ACSM3: variants seen among roughly 807,000 people sequenced by gnomAD.
ACSM3 encodes the protein acyl-CoA synthetase medium chain family member 3.
In ACSM3, 61 loss-of-function variants were observed where a neutral mutation model predicts 74.1. The observed-to-expected ratio is 0.82, with a 90% CI of 0.67 to 1.02. The LOEUF is 1.02. Among genes scored for constraint, ACSM3 ranks in the 50% least tolerant of loss-of-function variants. The pLI is 0.00. For synonymous variants in ACSM3, 213 were observed against 241.5 expected (o/e 0.88, Z 1.09); for missense variants, 660 against 697.0 (o/e 0.95, Z 0.60).
intron 1 of ACSM3, chr16:20,681,719 G>T (rs1488023221): frequency 6.5e-6 from 1 of 153,766 alleles, no homozygotes; most frequent in East Asian, 1.9e-4. Context: ...ACAAAGGGGG[G>T]AAATGGAACA....
upstream of ACSM3, among the ~76,000 whole-genome samples, chr16:20,762,008 G>T (rs2080081119): frequency 6.6e-6 from 1 of 152,202 alleles, no homozygotes; most frequent in Non-Finnish European, 1.5e-5. Context: ...AACCTCGGAA[G>T]CATGCCAATG....
chr16:20,727,501 T>C (rs1333410871), intron 1 of ACSM3: 4 of 351,454 alleles, frequency 1.1e-5, no homozygotes, highest in Non-Finnish European at 2.3e-5. Context: ...GTTTAGTATA[T>C]TTGGGGGCCT....
chr16:20,727,495 A>G, intron 1 of ACSM3: 1 of 378,748 alleles, frequency 2.6e-6, no homozygotes, highest in South Asian at 2.3e-5. Flanking sequence ...ATTTATGTTT[A>G]GTATATTTGG....
Position 20,687,033 on chromosome 16 carries a change from G to A in ACSM3, c.-190+12211G>A, listed in dbSNP as rs577906008. ...CCCCCATCTCTTTCTGGTGTGGTGC[G>A]GTGCAGTCAAGAGGAAGCCCCCCAA... On this transcript the variant is annotated intron_variant, in intron 1 of 3. Transcript: ENST00000561584. Among the ~76,000 whole-genome samples, 7 of 148,516 alleles carry A rather than the reference G, an allele frequency of 4.7e-5. No individual in the cohort carries two copies. The East Asian group carries it at 6.0e-4, about 13-fold the overall frequency.
chr16:20,781,350 G>A (rs935382469), intron 6 of ACSM3, among the ~76,000 whole-genome samples: 1 of 151,930 alleles, frequency 6.6e-6, no homozygotes, highest in Admixed American at 6.6e-5. Context: ...GAAAATATTT[G>A]GGGAGAAAAA....
chr16:20,750,844 G>GTTTT (rs59655300), intron 2 of ACSM3, among the ~76,000 whole-genome samples: 1 of 115,378 alleles, frequency 8.7e-6, no homozygotes, highest in East Asian at 2.4e-4. Context: ...TTGGAGTCAG[G>GTTTT]TTTTTTTTTT....
At chr16:20,677,161 CA>C (rs530757834) in intron 1 of ACSM3, among the ~76,000 whole-genome samples, 29 of 145,076 alleles carry the variant, frequency 2.0e-4, no homozygotes, top group Non-Finnish European at 3.9e-4. Context: ...GGCTAAGCCA[CA>C]AAGAGAAGGA....
intron 1 of ACSM3, among the ~76,000 whole-genome samples, chr16:20,693,515 T>G (rs2079673898): frequency 6.6e-6 from 1 of 152,302 alleles, no homozygotes; most frequent in African/African-American, 2.4e-5. Flanking sequence ...ACATTTAAGT[T>G]CCCTCTTGCT....
chr16:20,686,978 A>AT (rs34041438), intron 1 of ACSM3, among the ~76,000 whole-genome samples: 24,027 of 135,864 alleles, frequency 0.18, 2,398 homozygotes, highest in East Asian at 0.4. Flanking sequence ...AAATTTTGTG[A>AT]TTTTTTTTTT....
chr16:20,751,996 A>G (rs1192492187), intron 2 of ACSM3, among the ~76,000 whole-genome samples: 2 of 152,164 alleles, frequency 1.3e-5, no homozygotes, highest in Admixed American at 6.5e-5. Context: ...AAATGGATAT[A>G]TAGTACTACT....
At chr16:20,677,845 A>G (rs1267661873) in intron 1 of ACSM3, among the ~76,000 whole-genome samples, 1 of 152,028 alleles carries the variant, frequency 6.6e-6, no homozygotes, top group East Asian at 1.9e-4. Flanking sequence ...GACACTTTCC[A>G]TGTTCATGAG....
At chr16:20,726,078 T>C (rs2079804722) in intron 1 of ACSM3, among the ~76,000 whole-genome samples, 1 of 152,148 alleles carries the variant, frequency 6.6e-6, no homozygotes, top group Non-Finnish European at 1.5e-5. Flanking sequence ...TGGACATTTT[T>C]CCAGGAACAA....
At chr16:20,786,282 T>C (rs753125672) in intron 9 of ACSM3, 124 bp downstream of exon 9, 7 of 1,426,594 alleles carry the variant, frequency 4.9e-6, no homozygotes, top group Non-Finnish European at 6.5e-6. Flanking sequence ...CATGATACTT[T>C]AATTTTTATA....
At chr16:20,744,239 C>T (rs1314590104) in intron 1 of ACSM3, among the ~76,000 whole-genome samples, 1 of 152,196 alleles carries the variant, frequency 6.6e-6, no homozygotes, top group East Asian at 1.9e-4. Flanking sequence ...CATCCCTGGC[C>T]TACAGGTTTC....
chr16:20,732,590 G>C (rs546806680), intron 1 of ACSM3, among the ~76,000 whole-genome samples: 10 of 152,228 alleles, frequency 6.6e-5, no homozygotes, highest in African/African-American at 1.9e-4. Flanking sequence ...GCATTTAGGT[G>C]AAGTCTCCAC....
intron 1 of ACSM3, among the ~76,000 whole-genome samples, chr16:20,728,828 C>A (rs373367743): frequency 8.1e-6 from 1 of 122,814 alleles, no homozygotes; most frequent in Non-Finnish European, 1.9e-5. Context: ...TAATTTCCAG[C>A]CAGGGACAGT....
chr16:20,782,179 G>T (rs1567355227), intron 7 of ACSM3, among the ~76,000 whole-genome samples: 2 of 152,098 alleles, frequency 1.3e-5, no homozygotes, highest in African/African-American at 2.4e-5. Context: ...ATTTGAAAGG[G>T]TTCATTGGTA....
intron 1 of ACSM3, chr16:20,703,314 T>A (rs953314547): frequency 2.0e-5 from 3 of 152,228 alleles, no homozygotes; most frequent in Admixed American, 2.0e-4. Flanking sequence ...TTGTTCCATA[T>A]GAAATTTAAA....
chr16:20,749,703 A>AT (rs2079974960), intron 1 of ACSM3: 1 of 152,380 alleles, frequency 6.6e-6, no homozygotes, highest in South Asian at 2.1e-4. Flanking sequence ...GTATATGTGC[A>AT]TATCTGGTAC....
Sources: allele counts gnomAD v4.1 joint callset (sites outside exome capture counted in the v4.1 genomes callset), GRCh38; gene constraint gnomAD v4.1.1; transcripts MANE v1.5; gene names NCBI Gene and HGNC (gene_info 2026-07-23, HGNC 2026-07-21).